MAP3K5: variants seen among roughly 807,000 people sequenced by gnomAD.
The protein encoded by MAP3K5 is ASK-1.
Under a neutral mutation model 158.7 loss-of-function variants are expected in MAP3K5, and 56 were observed. That is an observed-to-expected ratio of 0.35 (90% CI 0.28 to 0.44). The LOEUF is 0.44. Among genes scored for constraint, MAP3K5 ranks in the 20% least tolerant of loss-of-function variants. The pLI is 1.00. For missense variants in MAP3K5, 1,294 were observed against 1,674.8 expected, an observed-to-expected ratio of 0.77 and a Z score of 3.97; for synonymous variants, 579 against 601.7, an observed-to-expected ratio of 0.96 and a Z score of 0.55.
intron 21 of MAP3K5, among the ~76,000 whole-genome samples, chr6:136,598,046 TC>T (rs766869853): frequency 1.7e-4 from 26 of 152,180 alleles, no homozygotes; most frequent in Non-Finnish European, 3.4e-4. Flanking sequence ...ATAAAAATTT[TC>T]CCCGGCTCCC....
chr6:136,618,043 T>C (rs958814626), intron 15 of MAP3K5, among the ~76,000 whole-genome samples: 2 of 152,284 alleles, frequency 1.3e-5, no homozygotes, highest in Non-Finnish European at 2.9e-5. Context: ...GCATACTAAA[T>C]CTACCTCTTC....
rs141993907 is a variant in MAP3K5 at position 136,718,470 on chromosome 6, G to A, written c.588+1980C>T. Among the ~76,000 whole-genome samples, 10 of 152,302 alleles carry A rather than the reference G, an allele frequency of 6.6e-5. No individual in the cohort carries two copies. In the East Asian group the frequency reaches 1.9e-3, roughly 29 times the overall value. ...AACTGCCTCAGCTCCGCAAAGTGCTGGGATTACCACACCCAGCCTCTCCTT... is the reference window on the plus strand; with the variant it reads ...AACTGCCTCAGCTCCGCAAAGTGCTAGGATTACCACACCCAGCCTCTCCTT... On this transcript the variant is annotated intron_variant, in intron 2 of 29. Transcript: ENST00000359015.
At chr6:136,769,035 C>T (rs951367774) in intron 1 of MAP3K5, among the ~76,000 whole-genome samples, 7 of 152,094 alleles carry the variant, frequency 4.6e-5, no homozygotes, top group African/African-American at 1.4e-4. Context: ...AAATCATGTC[C>T]ACCCAAAAAC....
At chr6:136,690,060 C>T (rs536682940) in intron 7 of MAP3K5, among the ~76,000 whole-genome samples, 45 of 152,098 alleles carry the variant, frequency 3.0e-4, no homozygotes, top group African/African-American at 1.0e-3. Flanking sequence ...ATATAAGCAA[C>T]ACCCCGATAT....
chr6:136,650,433 T>C (rs1450115457), intron 11 of MAP3K5, among the ~76,000 whole-genome samples: 4 of 152,264 alleles, frequency 2.6e-5, no homozygotes, highest in African/African-American at 4.8e-5. Flanking sequence ...ATGACTGCTA[T>C]GAGCGGAAGT....
At position 136,594,425 on chromosome 6, in the gene MAP3K5, T is replaced by TG. The variant is rs1362026804; in HGVS notation, c.2879-1812dup. On this transcript the variant is annotated intron_variant, in intron 21 of 29. Transcript: ENST00000359015. ...ACTTTAGAGTCAACATCTCGCTATT[T>TG]GGGGGGAACGGACTTTAGAACAGAA... Among the ~76,000 whole-genome samples the TG allele has an allele frequency of 2.0e-5, 3 of 152,214 alleles. No individual in the cohort carries two copies. The East Asian group carries it at 5.8e-4, about 29-fold the overall frequency.
At chr6:136,566,684 G>A (rs766737899) in intron 26 of MAP3K5, among the ~76,000 whole-genome samples, 9 of 152,174 alleles carry the variant, frequency 5.9e-5, no homozygotes, top group Admixed American at 2.0e-4. Context: ...AAATAAGACT[G>A]CTCTATGCAC....
chr6:136,657,829 A>C (rs1316730034), intron 9 of MAP3K5, among the ~76,000 whole-genome samples: 1 of 152,252 alleles, frequency 6.6e-6, no homozygotes, highest in Non-Finnish European at 1.5e-5. Flanking sequence ...CTCATGCATG[A>C]AACCAGCAGT....
intron 1 of MAP3K5, among the ~76,000 whole-genome samples, chr6:136,731,787 T>A (rs985571056): frequency 6.6e-6 from 1 of 152,088 alleles, no homozygotes; most frequent in South Asian, 2.1e-4. Context: ...CCCAAAGGAT[T>A]CTCCAAAGAC....
At chr6:136,698,467 G>A in intron 4 of MAP3K5, 22 bp downstream of exon 4, 1 of 1,598,398 alleles carries the variant, frequency 6.3e-7, no homozygotes, top group South Asian at 1.1e-5. Context: ...ATCACCAAAT[G>A]GCATTATTAA....
intron 3 of MAP3K5, 99 bp from the exon 4 acceptor site, chr6:136,698,781 A>G (rs905427024): frequency 2.5e-6 from 2 of 798,890 alleles, no homozygotes; most frequent in African/African-American, 3.5e-5. Flanking sequence ...TCCAAATGCA[A>G]AGGGAAATAG....
intron 1 of MAP3K5, among the ~76,000 whole-genome samples, chr6:136,765,898 G>A (rs1337367710): frequency 6.6e-6 from 1 of 152,034 alleles, no homozygotes; most frequent in African/African-American, 2.4e-5. Flanking sequence ...CACAGAAATA[G>A]TAAGTGGCAG....
intron 24 of MAP3K5, among the ~76,000 whole-genome samples, chr6:136,581,544 A>T (rs765590905): frequency 4.6e-5 from 7 of 152,316 alleles, no homozygotes; most frequent in Non-Finnish European, 7.3e-5. Context: ...CAAAAATTTA[A>T]TCACCATCCC....
At chr6:136,587,384 TTC>T (rs1241989719) in intron 23 of MAP3K5, among the ~76,000 whole-genome samples, 1 of 152,212 alleles carries the variant, frequency 6.6e-6, no homozygotes, top group South Asian at 2.1e-4. Context: ...GTGGAATATT[TTC>T]TGTTATGATT....
rs1774988186 is a variant in MAP3K5, at chr6:136,583,666, G to A, written c.3300C>T (p.Ser1100=). The A allele has an allele frequency of 1.2e-6, 2 of 1,614,160 alleles. No individual in the cohort carries two copies. Among genetic ancestry groups the A allele is most frequent in the Admixed American group, 3.3e-5 (2 of 60,020 alleles). ...LIASLREFVR[S]TDRKIIATTL... Reference sequence around the variant, plus strand: ...TGGTGGCTATGATTTTTCGGTCAGTGGATCTCACAAATTCTCTGAGGCTTG... The same window carrying A: ...TGGTGGCTATGATTTTTCGGTCAGTAGATCTCACAAATTCTCTGAGGCTTG... The change falls in exon 24 of 30, where the codon TCC becomes TCT. Residue 1100 remains serine (S), a synonymous_variant. Transcript: ENST00000359015.
chr6:136,749,289 C>A (rs1365891951), intron 1 of MAP3K5, among the ~76,000 whole-genome samples: 1 of 151,460 alleles, frequency 6.6e-6, no homozygotes, highest in Non-Finnish European at 1.5e-5. Context: ...AGGAGAATCG[C>A]TTGAACCTGA....
intron 8 of MAP3K5, among the ~76,000 whole-genome samples, chr6:136,660,631 A>G (rs1778966805): frequency 6.6e-6 from 1 of 152,236 alleles, no homozygotes; most frequent in South Asian, 2.1e-4. Flanking sequence ...GTTTGCTTAA[A>G]AAAATATATC....
intron 15 of MAP3K5, among the ~76,000 whole-genome samples, chr6:136,621,457 C>T (rs750444251): frequency 2.6e-5 from 4 of 152,098 alleles, no homozygotes; most frequent in Non-Finnish European, 5.9e-5. Context: ...TGTTTTTTGT[C>T]TTTCAGTATG....
chr6:136,639,342 A>C (rs1434903578), intron 13 of MAP3K5, among the ~76,000 whole-genome samples: 1 of 151,920 alleles, frequency 6.6e-6, no homozygotes, highest in Non-Finnish European at 1.5e-5. Flanking sequence ...GTTATGACTA[A>C]GATAAAGTTT....
Sources: allele counts gnomAD v4.1 joint callset (sites outside exome capture counted in the v4.1 genomes callset), GRCh38; gene constraint gnomAD v4.1.1; transcripts MANE v1.5; gene names NCBI Gene and HGNC (gene_info 2026-07-23, HGNC 2026-07-21).